The following LRRC4C variants were observed in gnomAD, a reference collection of about 807,000 sequenced individuals.
The protein encoded by LRRC4C is leucine rich repeat containing 4C.
LRRC4C carries 5 observed loss-of-function variants against 33.6 expected under a neutral mutation model. The observed-to-expected ratio is 0.15, with a 90% CI of 0.08 to 0.31. The LOEUF is 0.31. Among genes scored for constraint, LRRC4C ranks in the 10% least tolerant of loss-of-function variants. The pLI is 1.00. For synonymous variants in LRRC4C, 329 were observed against 302.0 expected, an observed-to-expected ratio of 1.09 and a Z score of -0.93; for missense variants, 560 against 796.7, an observed-to-expected ratio of 0.70 and a Z score of 3.58.
chr11:41,409,025 G>T (rs1398777669), intron 1 of LRRC4C, among the ~76,000 whole-genome samples: 2 of 152,168 alleles, frequency 1.3e-5, no homozygotes, highest in Admixed American at 6.5e-5. Flanking sequence ...TGTGTGCAGG[G>T]TCACACTGTG....
At chr11:40,796,638 T>C (rs959659633) in intron 2 of LRRC4C, among the ~76,000 whole-genome samples, 12 of 131,366 alleles carry the variant, frequency 9.1e-5, no homozygotes, top group Non-Finnish European at 1.7e-4. Context: ...CAGAACTCTT[T>C]TTTTTTTTTT....
At chr11:40,783,339 A>G (rs779119913) in intron 2 of LRRC4C, among the ~76,000 whole-genome samples, 21 of 151,870 alleles carry the variant, frequency 1.4e-4, no homozygotes, top group Non-Finnish European at 2.6e-4. Flanking sequence ...TCCGTCACCC[A>G]GGCTGGAATG....
chr11:40,335,943 G>A (rs550659177), intron 3 of LRRC4C, among the ~76,000 whole-genome samples: 3 of 152,140 alleles, frequency 2.0e-5, no homozygotes, highest in Non-Finnish European at 4.4e-5. Flanking sequence ...TCTGTAAAAT[G>A]TAGACACTAA....
chr11:40,965,574 G>A (rs1176605382), intron 1 of LRRC4C, among the ~76,000 whole-genome samples: 1 of 152,066 alleles, frequency 6.6e-6, no homozygotes, highest in Non-Finnish European at 1.5e-5. Flanking sequence ...TCCAGTTTCA[G>A]CTTTCCACAT....
chr11:41,136,698 G>A (rs991293559), intron 1 of LRRC4C, among the ~76,000 whole-genome samples: 4 of 152,012 alleles, frequency 2.6e-5, no homozygotes, highest in East Asian at 1.9e-4. Flanking sequence ...TGCACATCTC[G>A]TTAGACTCGA....
At chr11:41,079,455 C>T (rs1336139528) in intron 1 of LRRC4C, among the ~76,000 whole-genome samples, 2 of 152,108 alleles carry the variant, frequency 1.3e-5, no homozygotes, top group African/African-American at 4.8e-5. Flanking sequence ...TATTCACTCC[C>T]AATAAATTAA....
chr11:41,187,003 A>C (rs1351081723), intron 1 of LRRC4C, among the ~76,000 whole-genome samples: 1 of 152,228 alleles, frequency 6.6e-6, no homozygotes, highest in Non-Finnish European at 1.5e-5. Flanking sequence ...ACCCAAACCC[A>C]GATCTAAAAT....
chr11:40,646,885 TGTG>T lies in LRRC4C; in HGVS notation c.-270+1254_-270+1256del, dbSNP rs541804438. On this transcript the variant is annotated intron_variant, in intron 3 of 6. Coordinates refer to ENST00000528697, the MANE Select transcript of LRRC4C (RefSeq NM_001258419.2). ...CCTCCCAAAATGCTGGGATTACAGGTGTGAGCCACTGTGCCTGGCCAAGTCTTC... is the reference window on the plus strand; with the variant it reads ...CCTCCCAAAATGCTGGGATTACAGGTAGCCACTGTGCCTGGCCAAGTCTTC... Among the ~76,000 whole-genome samples, 304 of 152,264 alleles carry T rather than the reference TGTG, an allele frequency of 2.0e-3. 1 individual carries two copies. Among genetic ancestry groups the T allele is most frequent in the Non-Finnish European group, 2.9e-3 (197 of 68,028 alleles).
chr11:40,461,817 T>C (rs947826056), intron 3 of LRRC4C, among the ~76,000 whole-genome samples: 1 of 151,420 alleles, frequency 6.6e-6, no homozygotes, highest in African/African-American at 2.4e-5. Context: ...AAATAATGGA[T>C]GGGAAATCAT....
chr11:40,667,283 T>C (rs889722083), intron 2 of LRRC4C, among the ~76,000 whole-genome samples: 1 of 152,214 alleles, frequency 6.6e-6, no homozygotes, highest in African/African-American at 2.4e-5. Context: ...ATACTCTACA[T>C]TTAACTCTGA....
At position 40,959,249 on chromosome 11, in the gene LRRC4C, G is replaced by A. The variant is rs115179769; in HGVS notation, c.-495-25526C>T. Among the ~76,000 whole-genome samples, 655 of 151,710 alleles carry A rather than the reference G, an allele frequency of 4.3e-3. 4 individuals are homozygous for A. The highest frequency in any genetic ancestry group is 0.015 in the African/African-American group (613 of 41,456). Reference sequence around the variant, plus strand: ...CAATAAAGAAACAGAACTCAACACAGTGGTTTATAAAATTGTGTCTCATAG... The same window carrying A: ...CAATAAAGAAACAGAACTCAACACAATGGTTTATAAAATTGTGTCTCATAG... On this transcript the variant is annotated intron_variant, in intron 1 of 6. Transcript: ENST00000528697.
intron 3 of LRRC4C, among the ~76,000 whole-genome samples, chr11:40,338,168 T>A (rs1946711686): frequency 6.6e-6 from 1 of 152,226 alleles, no homozygotes; most frequent in Non-Finnish European, 1.5e-5. Context: ...CATATGAGGA[T>A]GTGGCTGTTT....
chr11:40,398,910 A>G (rs768677828), intron 3 of LRRC4C, among the ~76,000 whole-genome samples: 11 of 152,114 alleles, frequency 7.2e-5, no homozygotes, highest in Non-Finnish European at 1.3e-4. Flanking sequence ...CCTAATTTCA[A>G]TTTGTAATAC....
At chr11:41,199,040 A>G (rs1218370660) in intron 1 of LRRC4C, among the ~76,000 whole-genome samples, 2 of 152,136 alleles carry the variant, frequency 1.3e-5, no homozygotes, top group African/African-American at 4.8e-5. Flanking sequence ...TTTAATAACT[A>G]TGGATTTTAT....
At chr11:41,387,329 AG>A (rs1315118754) in intron 1 of LRRC4C, among the ~76,000 whole-genome samples, 3 of 151,764 alleles carry the variant, frequency 2.0e-5, no homozygotes, top group Non-Finnish European at 4.4e-5. Flanking sequence ...GGAGACAGAC[AG>A]GTGATAAGAA....
chr11:41,081,932 G>A (rs377407746), intron 1 of LRRC4C, among the ~76,000 whole-genome samples: 4 of 152,222 alleles, frequency 2.6e-5, no homozygotes, highest in East Asian at 1.9e-4. Flanking sequence ...TATTTATACC[G>A]TACAGTCGGG....
intron 1 of LRRC4C, among the ~76,000 whole-genome samples, chr11:41,361,966 C>A (rs910634799): frequency 1.3e-5 from 2 of 152,078 alleles, no homozygotes; most frequent in Non-Finnish European, 2.9e-5. Context: ...TTAATAATTG[C>A]TACTATTCAT....
In LRRC4C at chr11:40,406,914, A is replaced by G. The variant is rs545169738; in HGVS notation, c.-269-87193T>C. ...CCCCAGTAAGATGAAGAAAATCACT[A>G]TGAGCTGCTCCCCCTTCTCCAAGAC... On this transcript the variant is annotated intron_variant, in intron 3 of 6. Coordinates refer to ENST00000528697, the MANE Select transcript of LRRC4C (RefSeq NM_001258419.2). Among the ~76,000 whole-genome samples the G allele has an allele frequency of 2.6e-5, 4 of 152,252 alleles. No homozygotes were observed. The East Asian group carries it at 5.8e-4, about 22-fold the overall frequency.
chr11:40,937,032 C>A (rs1423215675), intron 1 of LRRC4C, among the ~76,000 whole-genome samples: 1 of 152,176 alleles, frequency 6.6e-6, no homozygotes, highest in Non-Finnish European at 1.5e-5. Context: ...TCATTCTGTG[C>A]TATTTGCAAT....
Sources: allele counts gnomAD v4.1 joint callset (sites outside exome capture counted in the v4.1 genomes callset), GRCh38; gene constraint gnomAD v4.1.1; transcripts MANE v1.5; gene names NCBI Gene and HGNC (gene_info 2026-07-23, HGNC 2026-07-21).